PDE4B: variants seen among roughly 807,000 people sequenced by gnomAD.
PDE4B encodes the protein phosphodiesterase 4B, also known as 3',5'-cyclic-AMP phosphodiesterase 4B.
Under a neutral mutation model 82.2 loss-of-function variants are expected in PDE4B, and 20 were observed. The ratio of observed to expected loss-of-function variants is 0.24; its 90% CI spans 0.17 to 0.35. The LOEUF is 0.35. PDE4B is among the 10% of genes least tolerant of loss of function. PDE4B has a pLI of 1.00. For synonymous variants in PDE4B, 320 were observed against 318.9 expected, an observed-to-expected ratio of 1.00 and a Z score of -0.04; for missense variants, 655 against 907.2, an observed-to-expected ratio of 0.72 and a Z score of 3.57.
At chr1:66,189,416 C>G (rs1233708272) in intron 3 of PDE4B, among the ~76,000 whole-genome samples, 1 of 152,164 alleles carries the variant, frequency 6.6e-6, no homozygotes, top group African/African-American at 2.4e-5. Flanking sequence ...TGGATAATAT[C>G]CTGCAGAGTG....
intron 3 of PDE4B, among the ~76,000 whole-genome samples, chr1:66,168,551 A>G (rs1237740878): frequency 6.6e-6 from 1 of 152,160 alleles, no homozygotes; most frequent in Non-Finnish European, 1.5e-5. Context: ...GTAACCACAA[A>G]GGGTCACTGT....
intron 3 of PDE4B, among the ~76,000 whole-genome samples, chr1:66,083,241 C>T (rs1460498031): frequency 6.6e-6 from 1 of 152,084 alleles, no homozygotes; most frequent in African/African-American, 2.4e-5. Flanking sequence ...CTCGCTTGTG[C>T]CTCCTCTGTC....
At chr1:65,993,029 A>C (rs116785815) in intron 3 of PDE4B, 1 of 1,613,892 alleles carries the variant, frequency 6.2e-7, no homozygotes, top group Non-Finnish European at 8.5e-7. Flanking sequence ...ACAGACCTAC[A>C]TCTCCTAAAA....
chr1:66,033,836 T>C (rs905527031), intron 3 of PDE4B, among the ~76,000 whole-genome samples: 2 of 151,854 alleles, frequency 1.3e-5, no homozygotes, highest in Non-Finnish European at 2.9e-5. Flanking sequence ...ATCTTATGCT[T>C]CTTGGACTAG....
intron 3 of PDE4B, among the ~76,000 whole-genome samples, chr1:65,931,067 C>T (rs1163730768): frequency 6.6e-6 from 1 of 152,160 alleles, no homozygotes; most frequent in African/African-American, 2.4e-5. Context: ...GTGCTGTCCT[C>T]ATGATAATGA....
intron 3 of PDE4B, among the ~76,000 whole-genome samples, chr1:66,180,955 G>A (rs778232437): frequency 6.6e-6 from 1 of 152,140 alleles, no homozygotes; most frequent in Non-Finnish European, 1.5e-5. Context: ...TGTCTCTGAG[G>A]TGTTTTATTC....
At chr1:66,271,813 G>C (rs1183399892) in intron 7 of PDE4B, among the ~76,000 whole-genome samples, 1 of 152,142 alleles carries the variant, frequency 6.6e-6, no homozygotes, top group Non-Finnish European at 1.5e-5. Flanking sequence ...ATGTTGACTT[G>C]GTTGCATAAA....
chr1:66,351,295 A>T (rs1266164237), intron 8 of PDE4B, among the ~76,000 whole-genome samples: 1 of 152,252 alleles, frequency 6.6e-6, no homozygotes, highest in African/African-American at 2.4e-5. Context: ...ATGAGATGGT[A>T]GAGACACATT....
intron 3 of PDE4B, among the ~76,000 whole-genome samples, chr1:66,205,943 C>T (rs1304409131): frequency 6.6e-6 from 1 of 152,162 alleles, no homozygotes; most frequent in Non-Finnish European, 1.5e-5. Flanking sequence ...CTCCCCTTGC[C>T]AGGGACTTTC....
intron 1 of PDE4B, among the ~76,000 whole-genome samples, chr1:65,898,094 T>C (rs1287546454): frequency 1.3e-5 from 2 of 152,166 alleles, no homozygotes; most frequent in African/African-American, 2.4e-5. Flanking sequence ...TTAGTGATGT[T>C]GAGCATTTAT....
chr1:65,807,761 T>A (rs1645770856), intron 1 of PDE4B, among the ~76,000 whole-genome samples: 1 of 152,184 alleles, frequency 6.6e-6, no homozygotes, highest in African/African-American at 2.4e-5. Flanking sequence ...TGTGATGTGG[T>A]GTCCTCTGAG....
chr1:65,826,624 A>G (rs1646020489), intron 1 of PDE4B, among the ~76,000 whole-genome samples: 1 of 152,150 alleles, frequency 6.6e-6, no homozygotes. Context: ...CAAATGCCTT[A>G]ATCTGCAGGA....
intron 9 of PDE4B, among the ~76,000 whole-genome samples, chr1:66,359,502 G>A (rs538845123): frequency 1.3e-5 from 2 of 152,310 alleles, no homozygotes; most frequent in South Asian, 4.1e-4. Flanking sequence ...CCTGCATAGG[G>A]AAACACCCAT....
At chr1:65,881,167 T>G (rs942073100) in intron 1 of PDE4B, among the ~76,000 whole-genome samples, 14 of 152,182 alleles carry the variant, frequency 9.2e-5, no homozygotes, top group Non-Finnish European at 2.9e-5. Flanking sequence ...TTTGAGTGCA[T>G]TCTTTGTTTC....
At chr1:65,825,565 G>A (rs72933415) in intron 1 of PDE4B, among the ~76,000 whole-genome samples, 1,735 of 151,962 alleles carry the variant, frequency 0.011, 35 homozygotes, top group African/African-American at 0.04. Context: ...ATCTATTGGG[G>A]CCAGGTGCAG....
At chr1:66,216,749 G>T (rs1163146012) in intron 3 of PDE4B, among the ~76,000 whole-genome samples, 1 of 152,118 alleles carries the variant, frequency 6.6e-6, no homozygotes, top group African/African-American at 2.4e-5. Flanking sequence ...GAGAATAATG[G>T]AAAAGAGATG....
chr1:66,163,766 G>C (rs1053334356), intron 3 of PDE4B, among the ~76,000 whole-genome samples: 1 of 152,202 alleles, frequency 6.6e-6, no homozygotes, highest in African/African-American at 2.4e-5. Flanking sequence ...GCCTGTTTAA[G>C]TATTTAACAG....
intron 3 of PDE4B, among the ~76,000 whole-genome samples, chr1:66,039,210 TTGAC>T (rs1303975127): frequency 3.9e-5 from 6 of 152,240 alleles, no homozygotes; most frequent in Admixed American, 2.0e-4. Context: ...TTGTTATTGA[TTGAC>T]TGAGTGCCTA....
chr1:66,090,617 A>AGTGTGTGTGTGTGTGTGTGTGTG (rs1342550461), intron 3 of PDE4B, among the ~76,000 whole-genome samples: 5 of 18,334 alleles, frequency 2.7e-4, no homozygotes, highest in African/African-American at 7.8e-4. Flanking sequence ...TATGTATATA[A>AGTGTGTGTGTGTGTGTGTGTGTG]TATATGTGTG....
Sources: gnomAD v4.1 joint callset for allele counts (sites outside exome capture counted in the v4.1 genomes callset) on GRCh38, gnomAD v4.1.1 for gene constraint, MANE v1.5 for transcripts, NCBI Gene and HGNC (gene_info 2026-07-23, HGNC 2026-07-21) for gene names.